TNR: variants seen among roughly 807,000 people sequenced by gnomAD.
The protein encoded by TNR is tenascin-R.
A neutral mutation model predicts 150.4 loss-of-function variants in TNR; 45 were observed. That is an observed-to-expected ratio of 0.30 (90% CI 0.24 to 0.38). The LOEUF (loss-of-function observed/expected upper bound fraction) is 0.38. TNR is among the 10% of genes least tolerant of loss of function. TNR has a pLI of 1.00. For missense variants in TNR, 1,544 were observed against 1,759.1 expected (o/e 0.88, Z 2.19); for synonymous variants, 687 against 678.4 (o/e 1.01, Z -0.20).
At chr1:175,558,523 C>A (rs1182872986) in intron 1 of TNR, among the ~76,000 whole-genome samples, 1 of 152,088 alleles carries the variant, frequency 6.6e-6, no homozygotes, top group Non-Finnish European at 1.5e-5. Context: ...GACTTTAACC[C>A]AACTCTAACT....
chr1:175,687,349 ACT>A (rs1370919317), intron 1 of TNR, among the ~76,000 whole-genome samples: 1 of 151,868 alleles, frequency 6.6e-6, no homozygotes, highest in Non-Finnish European at 1.5e-5. Flanking sequence ...ACCTCTGCTT[ACT>A]CTGTCTCCAG....
At chr1:175,477,283 C>G (rs1322763024) in intron 2 of TNR, among the ~76,000 whole-genome samples, 1 of 152,128 alleles carries the variant, frequency 6.6e-6, no homozygotes, top group African/African-American at 2.4e-5. Flanking sequence ...GGAGATATGC[C>G]ATTTTCATAT....
At chr1:175,648,871 G>C (rs553865941) in intron 1 of TNR, among the ~76,000 whole-genome samples, 1 of 152,202 alleles carries the variant, frequency 6.6e-6, no homozygotes, top group East Asian at 1.9e-4. Context: ...GCTATCTCCC[G>C]GACGTCCACC....
At chr1:175,568,185 A>G (rs977990049) in intron 1 of TNR, among the ~76,000 whole-genome samples, 2 of 152,202 alleles carry the variant, frequency 1.3e-5, no homozygotes, top group African/African-American at 4.8e-5. Context: ...CCATTCAAGG[A>G]CTGCTTTTCA....
At chr1:175,620,923 G>A (rs976751105) in intron 1 of TNR, among the ~76,000 whole-genome samples, 1 of 152,178 alleles carries the variant, frequency 6.6e-6, no homozygotes, top group Non-Finnish European at 1.5e-5. Flanking sequence ...TTACCTGCCA[G>A]TTGGGCTGGC....
chr1:175,620,383 A>G (rs1399592567), intron 1 of TNR, among the ~76,000 whole-genome samples: 4 of 152,230 alleles, frequency 2.6e-5, no homozygotes, highest in Admixed American at 6.5e-5. Flanking sequence ...ACGAAACATA[A>G]CAACCAGGCT....
chr1:175,524,478 A>AC (rs1216820407), intron 2 of TNR, among the ~76,000 whole-genome samples: 2 of 152,088 alleles, frequency 1.3e-5, no homozygotes, highest in African/African-American at 2.4e-5. Context: ...AAAAGAACTT[A>AC]CAGAGAGTGA....
At chr1:175,353,731 A>C (rs952162609) in intron 18 of TNR, among the ~76,000 whole-genome samples, 2 of 152,262 alleles carry the variant, frequency 1.3e-5, no homozygotes, top group African/African-American at 4.8e-5. Flanking sequence ...TGCTGCTTTT[A>C]CTAAGTGAGT....
At chr1:175,412,079 G>A (rs1654238806) in intron 2 of TNR, among the ~76,000 whole-genome samples, 1 of 152,088 alleles carries the variant, frequency 6.6e-6, no homozygotes, top group South Asian at 2.1e-4. Context: ...TCCTGTGATG[G>A]TAGGTCCTCT....
At chr1:175,401,730 A>C (rs1276465999) in intron 4 of TNR, among the ~76,000 whole-genome samples, 1 of 152,214 alleles carries the variant, frequency 6.6e-6, no homozygotes, top group East Asian at 1.9e-4. Context: ...TCTGGCTTAC[A>C]GAAGTCTGGT....
At chr1:175,563,723 G>A (rs61473560) in intron 1 of TNR, among the ~76,000 whole-genome samples, 14,338 of 152,164 alleles carry the variant, frequency 0.094, 731 homozygotes, top group Middle Eastern at 0.14. Flanking sequence ...CTGGGAAAAC[G>A]CATCGCTATT....
At chr1:175,736,294 G>A (rs1485557136) in intron 1 of TNR, among the ~76,000 whole-genome samples, 2 of 152,198 alleles carry the variant, frequency 1.3e-5, no homozygotes, top group Non-Finnish European at 2.9e-5. Flanking sequence ...GGCCAAGGCG[G>A]GTGGATCACG....
chr1:175,581,683 C>T (rs1662355527), intron 1 of TNR, among the ~76,000 whole-genome samples: 1 of 151,984 alleles, frequency 6.6e-6, no homozygotes, highest in African/African-American at 2.4e-5. Flanking sequence ...TTTTTCTTAC[C>T]TTTTGAGAGT....
intron 2 of TNR, among the ~76,000 whole-genome samples, chr1:175,439,237 T>C (rs928037416): frequency 5.9e-5 from 9 of 151,930 alleles, no homozygotes; most frequent in African/African-American, 1.9e-4. Context: ...TACAACTATC[T>C]GATCTTTGAC....
intron 2 of TNR, among the ~76,000 whole-genome samples, chr1:175,512,119 T>C (rs917211142): frequency 1.9e-4 from 29 of 152,106 alleles, no homozygotes; most frequent in Admixed American, 1.2e-3. Flanking sequence ...TCCTAGAACA[T>C]ATCTCCTTGG....
At chr1:175,492,702 A>G (rs1461886522) in intron 2 of TNR, among the ~76,000 whole-genome samples, 1 of 152,170 alleles carries the variant, frequency 6.6e-6, no homozygotes, top group Non-Finnish European at 1.5e-5. Flanking sequence ...CTTCAAAAAA[A>G]TCCTACGTGG....
At chr1:175,716,607 C>T (rs994597275) in intron 1 of TNR, among the ~76,000 whole-genome samples, 1 of 152,156 alleles carries the variant, frequency 6.6e-6, no homozygotes, top group African/African-American at 2.4e-5. Context: ...CCAACCATCC[C>T]CTGCCCCAAG....
intron 2 of TNR, among the ~76,000 whole-genome samples, chr1:175,433,077 A>G (rs984446008): frequency 6.6e-6 from 1 of 152,212 alleles, no homozygotes; most frequent in African/African-American, 2.4e-5. Flanking sequence ...ACCTTGGACT[A>G]TGCAGTGAAT....
chr1:175,653,515 G>T (rs1033273812), intron 1 of TNR, among the ~76,000 whole-genome samples: 6 of 152,162 alleles, frequency 3.9e-5, no homozygotes, highest in Non-Finnish European at 8.8e-5. Flanking sequence ...GGGCTAAGAG[G>T]ACACTGGGAA....
Sources: gnomAD v4.1 joint callset for allele counts (sites outside exome capture counted in the v4.1 genomes callset) on GRCh38, gnomAD v4.1.1 for gene constraint, MANE v1.5 for transcripts, NCBI Gene and HGNC (gene_info 2026-07-23, HGNC 2026-07-21) for gene names.